EPHA6: variants seen among roughly 807,000 people sequenced by gnomAD.
EPHA6 encodes ephrin type-A receptor 6.
In EPHA6, 50 loss-of-function variants were observed where a neutral mutation model predicts 112.0. That is an observed-to-expected ratio of 0.45 (90% CI 0.36 to 0.56). The LOEUF is 0.56. Among genes scored for constraint, EPHA6 ranks in the 20% least tolerant of loss-of-function variants. The pLI is 0.00. For missense variants in EPHA6, 1,280 were observed against 1,417.4 expected (o/e 0.90, Z 1.56); for synonymous variants, 529 against 490.7 (o/e 1.08, Z -1.03).
chr3:96,881,699 A>G (rs1455293215), intron 2 of EPHA6, among the ~76,000 whole-genome samples: 2 of 152,242 alleles, frequency 1.3e-5, no homozygotes, highest in African/African-American at 2.4e-5. Context: ...TCAAAAGTGC[A>G]GAGTCCAAAG....
intron 1 of EPHA6, among the ~76,000 whole-genome samples, chr3:96,863,413 T>C (rs1044162791): frequency 1.3e-5 from 2 of 152,002 alleles, no homozygotes; most frequent in Non-Finnish European, 2.9e-5. Context: ...AAACAAATGA[T>C]AAAATTAAAA....
intron 2 of EPHA6, among the ~76,000 whole-genome samples, chr3:96,876,717 C>T (rs994527527): frequency 1.3e-5 from 2 of 152,038 alleles, no homozygotes; most frequent in African/African-American, 4.8e-5. Flanking sequence ...CTTGCTTTCT[C>T]TTGTCTCTGG....
intron 14 of EPHA6, among the ~76,000 whole-genome samples, chr3:97,646,490 A>G (rs1314392397): frequency 6.6e-6 from 1 of 152,192 alleles, no homozygotes; most frequent in Non-Finnish European, 1.5e-5. Context: ...TAGGTCTGAC[A>G]TATTCATTCA....
intron 5 of EPHA6, among the ~76,000 whole-genome samples, chr3:97,396,683 ACAATTG>A (rs1299859441): frequency 1.3e-5 from 2 of 151,756 alleles, no homozygotes; most frequent in African/African-American, 4.8e-5. Flanking sequence ...TCTTCATTAA[ACAATTG>A]CTCAACTCCT....
At chr3:97,273,521 T>C (rs2079963321) in intron 5 of EPHA6, among the ~76,000 whole-genome samples, 1 of 152,186 alleles carries the variant, frequency 6.6e-6, no homozygotes, top group Non-Finnish European at 1.5e-5. Context: ...AAATGGGCTG[T>C]ACCCTGTAGC....
At chr3:97,588,764 A>C (rs972570688) in intron 11 of EPHA6, among the ~76,000 whole-genome samples, 1 of 152,242 alleles carries the variant, frequency 6.6e-6, no homozygotes, top group Non-Finnish European at 1.5e-5. Context: ...ACAGATGATG[A>C]AATTGAAGCA....
chr3:97,248,977 T>C (rs115929024), intron 5 of EPHA6, among the ~76,000 whole-genome samples: 1 of 151,916 alleles, frequency 6.6e-6, no homozygotes, highest in African/African-American at 2.4e-5. Context: ...TCTCTCACAG[T>C]CCTCACTGTG....
chr3:96,982,401 T>A (rs1427252146), intron 2 of EPHA6, among the ~76,000 whole-genome samples: 1 of 152,240 alleles, frequency 6.6e-6, no homozygotes, highest in African/African-American at 2.4e-5. Context: ...CTAGTTTGAT[T>A]GCACTGTGGT....
At chr3:97,469,974 A>G (rs2091177414) in intron 7 of EPHA6, among the ~76,000 whole-genome samples, 1 of 151,600 alleles carries the variant, frequency 6.6e-6, no homozygotes, top group African/African-American at 2.4e-5. Context: ...ATGCAAAATC[A>G]AGGATAACCC....
At position 96,851,593 on chromosome 3, in the gene EPHA6, T is replaced by A. The variant is rs114491495; in HGVS notation, c.386-15232T>A. On this transcript the variant is annotated intron_variant, in intron 1 of 17. Coordinates refer to ENST00000389672, the MANE Select transcript of EPHA6 (RefSeq NM_001080448.3). ...GTTACAATAAAGTCATGCCTTTTGA[T>A]TGTGGAATGTGCATTAGTTTAAGGA... 4.5e-3 allele frequency among the ~76,000 whole-genome samples: 685 copies of A among 152,264 alleles called. 4 individuals carry two copies. The highest frequency in any genetic ancestry group is 6.7e-3 in the Non-Finnish European group (457 of 68,000).
chr3:97,094,410 A>G (rs1167236249), intron 3 of EPHA6, among the ~76,000 whole-genome samples: 2 of 152,104 alleles, frequency 1.3e-5, no homozygotes, highest in African/African-American at 4.8e-5. Context: ...TATTCTCATT[A>G]TATCTCCTGT....
intron 5 of EPHA6, among the ~76,000 whole-genome samples, chr3:97,328,534 A>G (rs550807808): frequency 6.6e-6 from 1 of 151,814 alleles, no homozygotes; most frequent in Non-Finnish European, 1.5e-5. Context: ...CACATTCTCT[A>G]ATTGATTGTT....
At chr3:97,034,882 C>T (rs1213265877) in intron 3 of EPHA6, among the ~76,000 whole-genome samples, 3 of 151,850 alleles carry the variant, frequency 2.0e-5, no homozygotes, top group Non-Finnish European at 4.4e-5. Flanking sequence ...ATTAAGGTTC[C>T]TCACACAACA....
intron 10 of EPHA6, among the ~76,000 whole-genome samples, chr3:97,487,162 C>T (rs1299976953): frequency 4.6e-5 from 7 of 152,136 alleles, no homozygotes; most frequent in African/African-American, 1.7e-4. Flanking sequence ...GTAGGAATGG[C>T]AAGGAGTACT....
chr3:97,017,406 G>A (rs1264235163), intron 3 of EPHA6, among the ~76,000 whole-genome samples: 2 of 152,180 alleles, frequency 1.3e-5, no homozygotes, highest in African/African-American at 4.8e-5. Flanking sequence ...CTCAGAAGGA[G>A]TATTTAAATC....
intron 2 of EPHA6, among the ~76,000 whole-genome samples, chr3:96,903,445 C>G (rs539307491): frequency 6.6e-6 from 1 of 152,130 alleles, no homozygotes; most frequent in East Asian, 1.9e-4. Context: ...TATTAACAAA[C>G]AAAATGGGGA....
At chr3:96,945,727 C>T (rs1340392796) in intron 2 of EPHA6, among the ~76,000 whole-genome samples, 2 of 151,686 alleles carry the variant, frequency 1.3e-5, no homozygotes, top group African/African-American at 4.8e-5. Flanking sequence ...TCTGTGAATA[C>T]CAATAAAATT....
At chr3:97,275,364 G>T (rs1265908207) in intron 5 of EPHA6, among the ~76,000 whole-genome samples, 1 of 152,184 alleles carries the variant, frequency 6.6e-6, no homozygotes, top group African/African-American at 2.4e-5. Context: ...GTACAGCCCA[G>T]GTAATTTGCT....
chr3:97,201,277 C>G (rs1356747062), intron 3 of EPHA6, among the ~76,000 whole-genome samples: 1 of 152,120 alleles, frequency 6.6e-6, no homozygotes, highest in Admixed American at 6.6e-5. Flanking sequence ...TGTATTTACT[C>G]ACTAAACACA....
Sources: allele counts gnomAD v4.1 joint callset (sites outside exome capture counted in the v4.1 genomes callset), GRCh38; gene constraint gnomAD v4.1.1; transcripts MANE v1.5; gene names NCBI Gene and HGNC (gene_info 2026-07-23, HGNC 2026-07-21).